Variants in TBC1D12 observed in about 807,000 individuals in gnomAD.
TBC1D12 encodes the protein TBC1 domain family, member 12.
Under a neutral mutation model 86.7 loss-of-function variants are expected in TBC1D12, and 56 were observed. The observed-to-expected ratio is 0.65, with a 90% CI of 0.52 to 0.81. The LOEUF (loss-of-function observed/expected upper bound fraction) is 0.81, where lower values mean the gene tolerates loss of function less well. Ranked by LOEUF, TBC1D12 falls within the 30% of genes least tolerant of loss-of-function variation. The probability of loss-of-function intolerance (pLI) is 0.00; values close to 1 mark genes in which losing one functional copy is unlikely to be tolerated. For synonymous variants in TBC1D12, 421 were observed against 411.7 expected (o/e 1.02, Z -0.27); for missense variants, 1,023 against 1,038.8 (o/e 0.98, Z 0.21).
chr10:94,457,449 C>T (rs537956750), intron 2 of TBC1D12, among the ~76,000 whole-genome samples: 1 of 152,132 alleles, frequency 6.6e-6, no homozygotes, highest in African/African-American at 2.4e-5. Flanking sequence ...GAATCTTGCT[C>T]TGTTGCCTAG....
At chr10:94,510,056 T>A in intron 7 of TBC1D12, 35 bp from the exon 8 acceptor site, 1 of 1,512,532 alleles carries the variant, frequency 6.6e-7, no homozygotes, top group Non-Finnish European at 9.1e-7. Context: ...TAGAGCCAAG[T>A]GATCATTTAA....
At chr10:94,461,701 G>T (rs1442395554) in intron 2 of TBC1D12, among the ~76,000 whole-genome samples, 1 of 151,636 alleles carries the variant, frequency 6.6e-6, no homozygotes, top group Non-Finnish European at 1.5e-5. Flanking sequence ...GTCAATTACA[G>T]TTTATGTTTT....
At chr10:94,523,389 TTTA>T (rs938200546) in intron 11 of TBC1D12, among the ~76,000 whole-genome samples, 2 of 152,020 alleles carry the variant, frequency 1.3e-5, no homozygotes, top group African/African-American at 4.8e-5. Context: ...TGCTATTTAT[TTTA>T]TTATTAACAC....
At chr10:94,420,335 A>C (rs1024571662) in intron 1 of TBC1D12, among the ~76,000 whole-genome samples, 1 of 152,222 alleles carries the variant, frequency 6.6e-6, no homozygotes, top group Non-Finnish European at 1.5e-5. Flanking sequence ...TGAGATACAA[A>C]TGTCTGTTGT....
intron 1 of TBC1D12, among the ~76,000 whole-genome samples, chr10:94,419,541 C>T (rs1256313999): frequency 2.6e-5 from 4 of 151,898 alleles, no homozygotes; most frequent in African/African-American, 7.3e-5. Context: ...GACGTGGTGG[C>T]GCCTGTAATC....
intron 1 of TBC1D12, among the ~76,000 whole-genome samples, chr10:94,416,729 ATC>A (rs2055003871): frequency 6.6e-6 from 1 of 152,206 alleles, no homozygotes. Flanking sequence ...ATGAGGATGC[ATC>A]AGTACTGAGG....
At chr10:94,408,920 T>G (rs1483022357) in intron 1 of TBC1D12, among the ~76,000 whole-genome samples, 1 of 152,222 alleles carries the variant, frequency 6.6e-6, no homozygotes, top group Non-Finnish European at 1.5e-5. Context: ...TTCAAACCTG[T>G]TTTGTTCAGG....
chr10:94,497,081 A>G lies in TBC1D12; in HGVS notation c.1321A>G (p.Arg441Gly), dbSNP rs1293001187. The G allele has an allele frequency of 6.4e-7, 1 of 1,568,900 alleles. No homozygotes were observed. Among genetic ancestry groups the G allele is most frequent in the East Asian group, 2.4e-5 (1 of 41,568 alleles). Residue 441 changes from arginine to glycine, a missense_variant, in exon 5 of 13, where the codon AGA becomes GGA. Physicochemically the swap from Arg to Gly is moderately radical, Grantham distance 125. This residue lies in a region of TBC1D12 where 395 missense variants were observed against 507.7 expected (regional missense o/e 0.78). Coordinates refer to ENST00000225235, the MANE Select transcript of TBC1D12 (RefSeq NM_015188.2). Reference protein sequence around the residue: ...REIKEAHKRKRIMKERFKQEE... With the variant: ...REIKEAHKRKGIMKERFKQEE... ...AATTAAGGAAGCACATAAAAGAAAAAGAATCATGAAAGAACGATTTAAGCA... is the reference window on the plus strand; with the variant it reads ...AATTAAGGAAGCACATAAAAGAAAAGGAATCATGAAAGAACGATTTAAGCA...
At chr10:94,470,474 C>T (rs2055887491) in intron 2 of TBC1D12, among the ~76,000 whole-genome samples, 1 of 151,996 alleles carries the variant, frequency 6.6e-6, no homozygotes, top group Non-Finnish European at 1.5e-5. Flanking sequence ...AGTGATCTCC[C>T]ACCTCAGCCT....
At chr10:94,442,255 C>CT (rs566052960) in intron 2 of TBC1D12, among the ~76,000 whole-genome samples, 14 of 148,410 alleles carry the variant, frequency 9.4e-5, no homozygotes, top group South Asian at 2.1e-4. Context: ...AGAACGTAGA[C>CT]TTTTTTTTTT....
intron 11 of TBC1D12, among the ~76,000 whole-genome samples, chr10:94,523,538 T>G (rs1842209145): frequency 6.6e-6 from 1 of 152,168 alleles, no homozygotes; most frequent in South Asian, 2.1e-4. Flanking sequence ...TCTCCCTTCT[T>G]ACATATTGTC....
chr10:94,469,447 C>CTTTTTTTTTT, intron 2 of TBC1D12, among the ~76,000 whole-genome samples: 1 of 112,558 alleles, frequency 8.9e-6, no homozygotes, highest in Non-Finnish European at 1.7e-5. Context: ...GAGTTTTTTC[C>CTTTTTTTTTT]TTTTTTTTTT....
intron 6 of TBC1D12, among the ~76,000 whole-genome samples, chr10:94,504,361 T>C (rs1479985021): frequency 3.3e-5 from 5 of 152,206 alleles, no homozygotes; most frequent in Non-Finnish European, 5.9e-5. Flanking sequence ...AAATTTATAG[T>C]TTTGTAACAT....
chr10:94,422,360 T>C (rs1371974079), intron 1 of TBC1D12, among the ~76,000 whole-genome samples: 1 of 151,452 alleles, frequency 6.6e-6, no homozygotes, highest in Non-Finnish European at 1.5e-5. Flanking sequence ...CAGCCAATTT[T>C]TGTATTTTTA....
intron 1 of TBC1D12, among the ~76,000 whole-genome samples, chr10:94,413,760 T>A (rs2054959037): frequency 6.6e-6 from 1 of 152,072 alleles, no homozygotes; most frequent in Non-Finnish European, 1.5e-5. Flanking sequence ...TAATTTGAAT[T>A]TTATGTTAGA....
At chr10:94,532,302 C>T (rs546691785) in intron 12 of TBC1D12, among the ~76,000 whole-genome samples, 67 of 152,128 alleles carry the variant, frequency 4.4e-4, no homozygotes, top group Non-Finnish European at 7.4e-4. Flanking sequence ...TGCAGTCTCC[C>T]GAGTAGCTGG....
intron 1 of TBC1D12, among the ~76,000 whole-genome samples, chr10:94,431,180 C>T (rs566715580): frequency 6.6e-6 from 1 of 152,078 alleles, no homozygotes; most frequent in South Asian, 2.1e-4. Flanking sequence ...TTTGGGATGC[C>T]GAGGTGGTTG....
rs1258895838 is a variant in TBC1D12, at chr10:94,418,213, T to A, written c.971+14629T>A. Reference sequence around the variant, plus strand: ...TTGAATTTGGTTATCTCCAAGTAAATCTAGCTCTATTAATTCTCACAAAGC... The same window carrying A: ...TTGAATTTGGTTATCTCCAAGTAAAACTAGCTCTATTAATTCTCACAAAGC... On this transcript the variant is annotated intron_variant, in intron 1 of 12. Coordinates refer to ENST00000225235, the MANE Select transcript of TBC1D12 (RefSeq NM_015188.2). Among the ~76,000 whole-genome samples, 5 of 152,148 alleles carry A rather than the reference T, an allele frequency of 3.3e-5. No individual in the cohort carries two copies. In the East Asian group the frequency reaches 9.6e-4, roughly 29 times the overall value.
chr10:94,409,717 A>G (rs2054905902), intron 1 of TBC1D12, among the ~76,000 whole-genome samples: 1 of 152,150 alleles, frequency 6.6e-6, no homozygotes, highest in Admixed American at 6.6e-5. Context: ...AAAGCAGACT[A>G]TTATTATAAT....
Sources: gnomAD v4.1 joint callset for allele counts (sites outside exome capture counted in the v4.1 genomes callset) on GRCh38, gnomAD v4.1.1 for gene constraint, gnomAD v4.1.1 regional missense constraint, MANE v1.5 for transcripts, NCBI Gene and HGNC (gene_info 2026-07-23, HGNC 2026-07-21) for gene names.